NREP: variants seen among roughly 807,000 people sequenced by gnomAD.
NREP encodes neuronal regeneration related protein, also known as neuronal regeneration-related protein.
NREP carries 5 observed loss-of-function variants against 8.6 expected under a neutral mutation model. That is an observed-to-expected ratio of 0.58 (90% CI 0.30 to 1.22). The LOEUF is 1.22. Ranked by LOEUF, NREP falls within the 50% of genes most tolerant of loss-of-function variation. The pLI is 0.07. For synonymous variants in NREP, 27 were observed against 28.0 expected, an observed-to-expected ratio of 0.96 and a Z score of 0.11; for missense variants, 86 against 82.5, an observed-to-expected ratio of 1.04 and a Z score of -0.17.
At chr5:111,920,403 A>G (rs1426165259) in intron 2 of NREP, among the ~76,000 whole-genome samples, 1 of 152,076 alleles carries the variant, frequency 6.6e-6, no homozygotes, top group Non-Finnish European at 1.5e-5. Context: ...TCAGTCCATC[A>G]TCTAGGTTTT....
chr5:111,927,638 A>G (rs1561351158), intron 2 of NREP, among the ~76,000 whole-genome samples: 1 of 152,184 alleles, frequency 6.6e-6, no homozygotes, highest in Non-Finnish European at 1.5e-5. Flanking sequence ...TGAGCACAAG[A>G]TGAATGCACA....
chr5:111,933,695 C>T (rs939293949), intron 2 of NREP, among the ~76,000 whole-genome samples: 2 of 152,072 alleles, frequency 1.3e-5, no homozygotes, highest in East Asian at 3.9e-4. Context: ...ATATCCAATT[C>T]ATCAGCAAGT....
chr5:111,752,774 A>G (rs755202453), intron 2 of NREP, among the ~76,000 whole-genome samples: 1 of 152,098 alleles, frequency 6.6e-6, no homozygotes. Flanking sequence ...AGTCCATGGC[A>G]CACACACACA....
exon 2 of NREP, chr5:111,975,352 G>T: frequency 6.4e-7 from 1 of 1,551,610 alleles, no homozygotes; most frequent in Non-Finnish European, 8.7e-7. Context: ...TGCTCCTCTG[G>T]GTTCGTGTTT....
At chr5:111,844,830 C>T (rs1203228618) in intron 2 of NREP, among the ~76,000 whole-genome samples, 1 of 150,962 alleles carries the variant, frequency 6.6e-6, no homozygotes, top group Non-Finnish European at 1.5e-5. Context: ...GGGCTATGTG[C>T]ACTTGTTATA....
intron 2 of NREP, among the ~76,000 whole-genome samples, chr5:111,786,774 GGAAGTTAAATGATCA>G (rs1751622354): frequency 6.6e-6 from 1 of 152,070 alleles, no homozygotes; most frequent in Non-Finnish European, 1.5e-5. Context: ...TCTTCCTTGG[GGAAGTTAAATGATCA>G]GAATTTTGTA....
At chr5:111,813,916 C>T (rs1332943752) in intron 2 of NREP, among the ~76,000 whole-genome samples, 3 of 152,070 alleles carry the variant, frequency 2.0e-5, no homozygotes, top group Non-Finnish European at 4.4e-5. Flanking sequence ...AACCTGCTAT[C>T]CTTTTGTGTG....
intron 1 of NREP, among the ~76,000 whole-genome samples, chr5:111,976,432 GC>G (rs1756965517): frequency 6.6e-6 from 1 of 152,196 alleles, no homozygotes; most frequent in Admixed American, 6.5e-5. Context: ...CTGAGGCTCA[GC>G]CTCCTTGGAA....
rs17133737 is a variant in NREP at position 111,778,058 on chromosome 5, G to A, written c.136-42551C>T. 9.5e-3 allele frequency among the ~76,000 whole-genome samples: 1,441 copies of A among 152,246 alleles called. 18 individuals are homozygous for A. The highest frequency in any genetic ancestry group is 0.052 in the East Asian group (267 of 5,180). On this transcript the variant is annotated intron_variant, in intron 2 of 3. Coordinates refer to the NREP transcript ENST00000395634. ...CAAGCTAAAGAAAGCCCAAGAAACT[G>A]ATACCTGGTGGCAGAAATCATAGGA...
chr5:111,900,543 A>C (rs1423612722), intron 2 of NREP, among the ~76,000 whole-genome samples: 1 of 152,056 alleles, frequency 6.6e-6, no homozygotes, highest in Non-Finnish European at 1.5e-5. Flanking sequence ...AAAAGAGTAA[A>C]TGTCCAATAA....
chr5:111,762,919 A>C (rs1234084408), intron 2 of NREP, among the ~76,000 whole-genome samples: 1 of 152,230 alleles, frequency 6.6e-6, no homozygotes, highest in Non-Finnish European at 1.5e-5. Flanking sequence ...CTGAAGCTAA[A>C]GAAGTTATAC....
At chr5:111,756,129 G>C in intron 1 of NREP, 12 of 1,083,756 alleles carry the variant, frequency 1.1e-5, no homozygotes, top group Non-Finnish European at 1.4e-5. Flanking sequence ...GTAGAACCAA[G>C]TGATAAAAAT....
At chr5:111,752,426 C>G (rs1750421163) in intron 2 of NREP, among the ~76,000 whole-genome samples, 1 of 152,312 alleles carries the variant, frequency 6.6e-6, no homozygotes, top group South Asian at 2.1e-4. Context: ...CTTAGGTACT[C>G]TTCAGCATCT....
chr5:111,884,107 A>G (rs1193694798), intron 2 of NREP, among the ~76,000 whole-genome samples: 1 of 152,210 alleles, frequency 6.6e-6, no homozygotes, highest in East Asian at 1.9e-4. Context: ...AGAGAGAAGA[A>G]TCAAATAGAT....
intron 2 of NREP, among the ~76,000 whole-genome samples, chr5:111,869,672 G>T (rs1018545645): frequency 6.6e-6 from 1 of 152,178 alleles, no homozygotes; most frequent in Non-Finnish European, 1.5e-5. Flanking sequence ...GGATTCTCCT[G>T]AGGAGAAGCA....
intron 2 of NREP, among the ~76,000 whole-genome samples, chr5:111,866,656 A>G (rs917634975): frequency 3.9e-5 from 6 of 152,334 alleles, no homozygotes; most frequent in South Asian, 4.1e-4. Context: ...TATATACCCA[A>G]AGGATTATAA....
chr5:111,866,680 A>G (rs1042035883), intron 2 of NREP, among the ~76,000 whole-genome samples: 3 of 152,196 alleles, frequency 2.0e-5, no homozygotes, highest in Admixed American at 6.5e-5. Context: ...ATGCTGCTAC[A>G]AAGACACATG....
chr5:111,843,742 C>T (rs895978554), intron 2 of NREP, among the ~76,000 whole-genome samples: 1 of 152,100 alleles, frequency 6.6e-6, no homozygotes, highest in Non-Finnish European at 1.5e-5. Context: ...TTTAGAGATT[C>T]TGGAAGTGTT....
At chr5:111,860,549 C>G (rs1753522298) in intron 2 of NREP, among the ~76,000 whole-genome samples, 1 of 152,102 alleles carries the variant, frequency 6.6e-6, no homozygotes, top group African/African-American at 2.4e-5. Flanking sequence ...AGCTGGCCTC[C>G]CAGAGTCCAG....
Sources: gnomAD v4.1 joint callset for allele counts (sites outside exome capture counted in the v4.1 genomes callset) on GRCh38, gnomAD v4.1.1 for gene constraint, MANE v1.5 for transcripts, NCBI Gene and HGNC (gene_info 2026-07-23, HGNC 2026-07-21) for gene names.